Variants in COX10 observed in about 807,000 individuals in gnomAD.
COX10 encodes the protein protoheme IX farnesyltransferase, mitochondrial.
A neutral mutation model predicts 37.3 loss-of-function variants in COX10; 27 were observed. That is an observed-to-expected ratio of 0.72 (90% CI 0.53 to 1.00). The LOEUF is 1.00. Ranked by LOEUF, COX10 falls within the 50% of genes least tolerant of loss-of-function variation. COX10 has a pLI of 0.00. For missense variants in COX10, 475 were observed against 563.2 expected (o/e 0.84, Z 1.59); for synonymous variants, 222 against 229.1 (o/e 0.97, Z 0.28).
chr17:14,163,549 C>T (rs1905215266), intron 5 of COX10, among the ~76,000 whole-genome samples: 1 of 152,122 alleles, frequency 6.6e-6, no homozygotes, highest in South Asian at 2.1e-4. Context: ...AGCCACTGCG[C>T]CTGGCTGCAA....
chr17:14,127,236 T>A (rs1018119224), intron 4 of COX10, among the ~76,000 whole-genome samples: 1 of 152,158 alleles, frequency 6.6e-6, no homozygotes, highest in Admixed American at 6.5e-5. Flanking sequence ...TTTAAAAAAT[T>A]GATGTTTTGA....
intron 6 of COX10, among the ~76,000 whole-genome samples, chr17:14,195,910 T>C (rs1375471626): frequency 6.6e-6 from 1 of 152,182 alleles, no homozygotes; most frequent in Non-Finnish European, 1.5e-5. Flanking sequence ...TGAAAATACC[T>C]GGAGATTAGG....
intron 5 of COX10, among the ~76,000 whole-genome samples, chr17:14,174,059 C>T (rs200726314): frequency 6.6e-6 from 1 of 151,850 alleles, no homozygotes; most frequent in Non-Finnish European, 1.5e-5. Context: ...AATGAAAATA[C>T]AAGCCACAGA....
At chr17:14,153,400 T>C (rs1189958805) in intron 4 of COX10, among the ~76,000 whole-genome samples, 1 of 152,204 alleles carries the variant, frequency 6.6e-6, no homozygotes, top group Non-Finnish European at 1.5e-5. Context: ...TATTTTACAT[T>C]AAATGGCAGG....
At chr17:14,107,452 C>A (rs944892020) in intron 4 of COX10, among the ~76,000 whole-genome samples, 1 of 152,100 alleles carries the variant, frequency 6.6e-6, no homozygotes, top group African/African-American at 2.4e-5. Flanking sequence ...CCCACCTATG[C>A]CTTCAATCTT....
chr17:14,138,810 G>A (rs887883726), intron 4 of COX10, among the ~76,000 whole-genome samples: 1 of 152,100 alleles, frequency 6.6e-6, no homozygotes, highest in Admixed American at 6.6e-5. Context: ...GTCTTACACT[G>A]CCTGATTGTC....
rs373315077 is a variant in COX10, at chr17:14,159,819, G to A, written c.625-58G>A. 1.2e-4 allele frequency: 165 copies of A among 1,337,986 alleles called. No homozygotes were observed. In the South Asian group the frequency reaches 1.6e-3, roughly 13 times the overall value. 82.9% of individuals were successfully genotyped at this position (1,337,986 alleles called of 1,614,324 possible). ...CAGAAAAAATGTTCAGTACTAAAGC[G>A]GAAGAAAAGAATTGTTTTATAGTTA... On this transcript the variant is annotated intron_variant, in intron 4 of 6. Transcript: ENST00000261643.
At chr17:14,153,996 G>A (rs1195937720) in intron 4 of COX10, among the ~76,000 whole-genome samples, 1 of 152,138 alleles carries the variant, frequency 6.6e-6, no homozygotes, top group East Asian at 1.9e-4. Flanking sequence ...AATATCAAAA[G>A]TTATTATTCG....
intron 4 of COX10, among the ~76,000 whole-genome samples, chr17:14,139,375 ATTGT>A (rs1415314245): frequency 1.3e-5 from 2 of 152,162 alleles, no homozygotes; most frequent in East Asian, 1.9e-4. Context: ...TGTCTAATGA[ATTGT>A]TTATTTATAG....
intron 1 of COX10, among the ~76,000 whole-genome samples, chr17:14,071,974 A>C (rs1915035661): frequency 2.0e-5 from 3 of 152,236 alleles, no homozygotes; most frequent in South Asian, 2.1e-4. Flanking sequence ...AAACGTCCTA[A>C]AATCAGGAGC....
At chr17:14,176,848 AG>A (rs2142253171) in intron 5 of COX10, among the ~76,000 whole-genome samples, 1 of 152,050 alleles carries the variant, frequency 6.6e-6, no homozygotes, top group Admixed American at 6.6e-5. Context: ...CAAATGATGG[AG>A]AAAGTGACCT....
intron 4 of COX10, among the ~76,000 whole-genome samples, chr17:14,129,869 G>C (rs1916426076): frequency 1.3e-5 from 2 of 152,132 alleles, no homozygotes; most frequent in Admixed American, 6.6e-5. Flanking sequence ...CAGATTGCAA[G>C]CCCATTTCTT....
intron 3 of COX10, among the ~76,000 whole-genome samples, chr17:14,078,108 ACT>A (rs1357944075): frequency 5.3e-5 from 8 of 152,000 alleles, no homozygotes; most frequent in Non-Finnish European, 1.0e-4. Context: ...GTGTAATGTA[ACT>A]CTAAAACAGT....
At chr17:14,071,530 G>GAGT (rs1265079922) in intron 1 of COX10, among the ~76,000 whole-genome samples, 1 of 152,060 alleles carries the variant, frequency 6.6e-6, no homozygotes, top group Non-Finnish European at 1.5e-5. Context: ...GTTAGTGATC[G>GAGT]AGTAGTATCA....
chr17:14,084,617 A>C (rs1915368723), intron 3 of COX10, among the ~76,000 whole-genome samples: 1 of 152,178 alleles, frequency 6.6e-6, no homozygotes, highest in Non-Finnish European at 1.5e-5. Flanking sequence ...CTTAAAACGC[A>C]AACACATAAT....
At chr17:14,126,057 C>A (rs572754844) in intron 4 of COX10, among the ~76,000 whole-genome samples, 9 of 152,272 alleles carry the variant, frequency 5.9e-5, no homozygotes, top group African/African-American at 1.9e-4. Flanking sequence ...ATGCTTCTAA[C>A]AAAACACTAC....
chr17:14,181,122 G>A (rs1321715837), intron 5 of COX10, among the ~76,000 whole-genome samples: 1 of 152,136 alleles, frequency 6.6e-6, no homozygotes, highest in East Asian at 1.9e-4. Context: ...CCTTGGAGGA[G>A]TTTTTTGATG....
chr17:14,154,446 G>A (rs1233587706), intron 4 of COX10, among the ~76,000 whole-genome samples: 1 of 152,120 alleles, frequency 6.6e-6, no homozygotes, highest in East Asian at 1.9e-4. Flanking sequence ...CTTGATGAGT[G>A]TTTGTTTTAT....
intron 3 of COX10, among the ~76,000 whole-genome samples, chr17:14,100,373 C>T (rs1915749595): frequency 6.6e-6 from 1 of 152,098 alleles, no homozygotes; most frequent in Non-Finnish European, 1.5e-5. Context: ...CTTCATGGAG[C>T]TTATATTCCA....
Sources: allele counts gnomAD v4.1 joint callset (sites outside exome capture counted in the v4.1 genomes callset), GRCh38; gene constraint gnomAD v4.1.1; transcripts MANE v1.5; gene names NCBI Gene and HGNC (gene_info 2026-07-23, HGNC 2026-07-21).